DCDC1: variants seen among roughly 807,000 people sequenced by gnomAD.
DCDC1 encodes doublecortin domain containing 1.
Under a neutral mutation model 178.3 loss-of-function variants are expected in DCDC1, and 200 were observed. That is an observed-to-expected ratio of 1.12 (90% CI 1.00 to 1.26). DCDC1 has a LOEUF of 1.26. Among genes scored for constraint, DCDC1 ranks in the 50% most tolerant of loss-of-function variants. DCDC1 has a pLI of 0.00. For synonymous variants in DCDC1, 690 were observed against 604.8 expected, an observed-to-expected ratio of 1.14 and a Z score of -2.07; for missense variants, 1,983 against 1,749.2, an observed-to-expected ratio of 1.13 and a Z score of -2.38.
At chr11:31,127,227 C>A (rs1961768672) in intron 11 of DCDC1, among the ~76,000 whole-genome samples, 1 of 152,160 alleles carries the variant, frequency 6.6e-6, no homozygotes, top group Admixed American at 6.5e-5. Context: ...TCCTTCATTA[C>A]AATTACTTTT....
intron 20 of DCDC1, among the ~76,000 whole-genome samples, chr11:31,035,359 C>T (rs1364311795): frequency 6.6e-6 from 1 of 152,202 alleles, no homozygotes; most frequent in Admixed American, 6.5e-5. Context: ...ATCCAGGATA[C>T]CACACTGCAT....
At chr11:30,910,877 A>T (rs1327880434) in intron 28 of DCDC1, among the ~76,000 whole-genome samples, 1 of 152,214 alleles carries the variant, frequency 6.6e-6, no homozygotes, top group Non-Finnish European at 1.5e-5. Flanking sequence ...AACATTGAGG[A>T]TCTTGCATCC....
chr11:30,883,872 T>C (rs1454442891), intron 36 of DCDC1, among the ~76,000 whole-genome samples: 2 of 152,060 alleles, frequency 1.3e-5, no homozygotes, highest in African/African-American at 4.8e-5. Flanking sequence ...AAATGACTAA[T>C]GTTAAGCACT....
chr11:30,994,711 A>G (rs1951162796), intron 20 of DCDC1, among the ~76,000 whole-genome samples: 1 of 144,832 alleles, frequency 6.9e-6, no homozygotes, highest in Non-Finnish European at 1.5e-5. Flanking sequence ...TATAACATAT[A>G]GTATATGTTA....
chr11:31,060,020 T>C (rs1955825022), intron 20 of DCDC1, among the ~76,000 whole-genome samples: 1 of 152,070 alleles, frequency 6.6e-6, no homozygotes, highest in Non-Finnish European at 1.5e-5. Flanking sequence ...ATCTCAAATC[T>C]GTTACTAAGA....
chr11:31,050,966 A>G (rs1184960589), intron 20 of DCDC1, among the ~76,000 whole-genome samples: 1 of 152,216 alleles, frequency 6.6e-6, no homozygotes, highest in East Asian at 1.9e-4. Flanking sequence ...CCAGCAATGG[A>G]TCCAAAACAG....
rs142025656 is a variant in DCDC1, at chr11:31,290,781, G to A, written c.826C>T (p.Arg276Trp). The change falls in exon 7 of 39, where the codon CGG (arginine) becomes TGG (tryptophan). Residue 276 changes from arginine (R) to tryptophan (W), a missense_variant. Arg to Trp is a moderately radical substitution (Grantham distance 101). Coordinates refer to ENST00000684477, the MANE Select transcript of DCDC1 (RefSeq NM_001387274.1). ...ATAGAAAGAACAGGCTTGGTTTTCC[G>A]TCTTTTGATATCAGTAGGAAGCATC... ...GLMLPTDIKR[R>W]KTKPVLSIRM... is the part of the protein sequence containing the mutation. 1.4e-4 allele frequency: 224 copies of A among 1,613,358 alleles called. No homozygotes were observed. The highest frequency in any genetic ancestry group is 1.3e-3 in the African/African-American group (101 of 74,982).
At chr11:30,879,440 A>G (rs1432954291) in intron 37 of DCDC1, among the ~76,000 whole-genome samples, 2 of 152,214 alleles carry the variant, frequency 1.3e-5, no homozygotes, top group Admixed American at 6.5e-5. Context: ...TTTCTAAAGA[A>G]CGACTAAATC....
At chr11:31,274,758 T>C (rs1264506409) in intron 7 of DCDC1, among the ~76,000 whole-genome samples, 1 of 150,406 alleles carries the variant, frequency 6.6e-6, no homozygotes, top group African/African-American at 2.5e-5. Flanking sequence ...TGGAGTGCAA[T>C]GGCATGGTCT....
chr11:31,333,829 C>T (rs1387067802), intron 2 of DCDC1, among the ~76,000 whole-genome samples: 1 of 152,162 alleles, frequency 6.6e-6, no homozygotes, highest in Non-Finnish European at 1.5e-5. Context: ...CTCCTTTCAA[C>T]CTTAGTGAAT....
At chr11:31,076,064 G>T (rs970996415) in intron 18 of DCDC1, among the ~76,000 whole-genome samples, 1 of 152,102 alleles carries the variant, frequency 6.6e-6, no homozygotes, top group Non-Finnish European at 1.5e-5. Context: ...TCTCCATGTT[G>T]GTCAGGCTGG....
chr11:30,957,434 C>G (rs954760434), intron 20 of DCDC1, among the ~76,000 whole-genome samples: 1 of 152,044 alleles, frequency 6.6e-6, no homozygotes, highest in African/African-American at 2.4e-5. Context: ...TTTACATTAC[C>G]GAAGTCAAAG....
At chr11:31,103,864 C>T (rs1958671992) in intron 13 of DCDC1, 95 bp from the exon 14 acceptor site, 3 of 667,380 alleles carry the variant, frequency 4.5e-6, no homozygotes, top group South Asian at 3.6e-5. Flanking sequence ...TTATCATTGT[C>T]TAATAAAATT....
At chr11:31,332,852 A>G (rs1950070706) in intron 2 of DCDC1, among the ~76,000 whole-genome samples, 1 of 152,192 alleles carries the variant, frequency 6.6e-6, no homozygotes. Context: ...AAGAATGTAT[A>G]TTCTGCTGAT....
intron 15 of DCDC1, among the ~76,000 whole-genome samples, chr11:31,100,720 A>G (rs531693573): frequency 1.3e-5 from 2 of 152,188 alleles, no homozygotes; most frequent in African/African-American, 4.8e-5. Flanking sequence ...GTAAGTTGAG[A>G]GCGGAGGTAG....
intron 21 of DCDC1, among the ~76,000 whole-genome samples, chr11:30,939,143 C>T: frequency 6.6e-6 from 1 of 152,202 alleles, no homozygotes; most frequent in Non-Finnish European, 1.5e-5. Context: ...ATTTTCCTAT[C>T]TTGGCTCATG....
chr11:31,356,920 G>A (rs1951407902), intron 1 of DCDC1, among the ~76,000 whole-genome samples: 1 of 152,184 alleles, frequency 6.6e-6, no homozygotes, highest in Admixed American at 6.5e-5. Context: ...ACCAACAACA[G>A]GAGCTGAAAT....
chr11:31,193,656 A>G (rs2136369972), intron 9 of DCDC1, among the ~76,000 whole-genome samples: 1 of 152,178 alleles, frequency 6.6e-6, no homozygotes, highest in East Asian at 1.9e-4. Context: ...CACACAAGTC[A>G]CCAGACAAAT....
At chr11:31,069,490 A>G (rs1382146739) in intron 18 of DCDC1, among the ~76,000 whole-genome samples, 1 of 152,212 alleles carries the variant, frequency 6.6e-6, no homozygotes, top group Non-Finnish European at 1.5e-5. Flanking sequence ...TGGTTCTGCT[A>G]AAAACATCAA....
Sources: gnomAD v4.1 joint callset for allele counts (sites outside exome capture counted in the v4.1 genomes callset) on GRCh38, gnomAD v4.1.1 for gene constraint, MANE v1.5 for transcripts, NCBI Gene and HGNC (gene_info 2026-07-23, HGNC 2026-07-21) for gene names.